Variants in IMMP2L observed in about 807,000 individuals in gnomAD.
IMMP2L encodes mitochondrial inner membrane protease subunit 2.
In IMMP2L, 18 loss-of-function variants were observed where a neutral mutation model predicts 19.3. That is an observed-to-expected ratio of 0.93 (90% CI 0.64 to 1.38). The LOEUF is 1.38. Ranked by LOEUF, IMMP2L falls within the 40% of genes most tolerant of loss-of-function variation. The pLI is 0.00. For synonymous variants in IMMP2L, 76 were observed against 73.0 expected (o/e 1.04, Z -0.21); for missense variants, 233 against 218.2 (o/e 1.07, Z -0.43).
chr7:111,187,737 A>G (rs999951847), intron 3 of IMMP2L, among the ~76,000 whole-genome samples: 4 of 152,134 alleles, frequency 2.6e-5, no homozygotes, highest in Admixed American at 1.3e-4. Flanking sequence ...AACTCAACTA[A>G]TTCTCTAGAC....
At chr7:110,801,507 C>T (rs1284185752) in intron 5 of IMMP2L, among the ~76,000 whole-genome samples, 1 of 152,052 alleles carries the variant, frequency 6.6e-6, no homozygotes, top group Non-Finnish European at 1.5e-5. Flanking sequence ...AAACTATAAA[C>T]AGTGATGCCA....
At chr7:111,066,278 G>A (rs1204336756) in intron 3 of IMMP2L, among the ~76,000 whole-genome samples, 4 of 152,088 alleles carry the variant, frequency 2.6e-5, no homozygotes, top group Non-Finnish European at 4.4e-5. Context: ...ACTGTGCCTG[G>A]CTGCTAGGCT....
chr7:110,857,481 A>T (rs543764138), intron 5 of IMMP2L, among the ~76,000 whole-genome samples: 1 of 152,226 alleles, frequency 6.6e-6, no homozygotes, highest in Non-Finnish European at 1.5e-5. Flanking sequence ...ATATGAAAAA[A>T]GAGAGCCCAA....
intron 1 of IMMP2L, among the ~76,000 whole-genome samples, chr7:111,531,885 C>T (rs1163133833): frequency 1.3e-5 from 2 of 151,958 alleles, no homozygotes; most frequent in African/African-American, 4.8e-5. Flanking sequence ...GGATATATTA[C>T]CAGCATCAGG....
chr7:111,495,588 G>A (rs1843519644), intron 2 of IMMP2L, among the ~76,000 whole-genome samples: 1 of 152,068 alleles, frequency 6.6e-6, no homozygotes, highest in Non-Finnish European at 1.5e-5. Flanking sequence ...CATATGACAG[G>A]TTTGGAAGAA....
chr7:111,468,560 A>T (rs112803707), intron 3 of IMMP2L, among the ~76,000 whole-genome samples: 3 of 152,142 alleles, frequency 2.0e-5, no homozygotes, highest in Non-Finnish European at 4.4e-5. Context: ...AGTTAAAGAT[A>T]GAACAGCAGT....
At chr7:110,876,857 G>A (rs181757686) in intron 5 of IMMP2L, among the ~76,000 whole-genome samples, 1 of 152,152 alleles carries the variant, frequency 6.6e-6, no homozygotes, top group East Asian at 1.9e-4. Flanking sequence ...GTTCCAAAAT[G>A]TAAACGGCTT....
chr7:110,920,052 T>A (rs959456944), intron 4 of IMMP2L, among the ~76,000 whole-genome samples: 1 of 152,180 alleles, frequency 6.6e-6, no homozygotes, highest in African/African-American at 2.4e-5. Context: ...TGGACTTACA[T>A]CAGTGATTTG....
At chr7:111,306,233 T>A (rs1233951579) in intron 3 of IMMP2L, among the ~76,000 whole-genome samples, 1 of 152,204 alleles carries the variant, frequency 6.6e-6, no homozygotes, top group Non-Finnish European at 1.5e-5. Context: ...TAGCAGTGGA[T>A]ACATGTTATT....
intron 5 of IMMP2L, among the ~76,000 whole-genome samples, chr7:110,698,404 C>T (rs10266246): frequency 0.83 from 126,928 of 152,114 alleles, 53,120 homozygotes; most frequent in East Asian, 0.89. Context: ...ACTTAAGTAG[C>T]TGCCCGTGAA....
At chr7:110,883,016 C>T (rs917225410) in intron 5 of IMMP2L, among the ~76,000 whole-genome samples, 11 of 152,038 alleles carry the variant, frequency 7.2e-5, no homozygotes, top group Non-Finnish European at 1.5e-4. Flanking sequence ...TGAAAAGCTT[C>T]GCATGATTTA....
chr7:110,692,066 T>G (rs890672712), intron 5 of IMMP2L, among the ~76,000 whole-genome samples: 1 of 152,230 alleles, frequency 6.6e-6, no homozygotes, highest in East Asian at 1.9e-4. Context: ...TAAATGCTCA[T>G]TCAACACTGA....
chr7:111,432,360 G>T (rs1027352623), intron 3 of IMMP2L, among the ~76,000 whole-genome samples: 8 of 151,756 alleles, frequency 5.3e-5, no homozygotes, highest in Non-Finnish European at 1.0e-4. Flanking sequence ...AGATTAGCTG[G>T]AACACCATGA....
At chr7:111,202,000 GCCCA>G (rs1305717406) in intron 3 of IMMP2L, among the ~76,000 whole-genome samples, 1 of 152,170 alleles carries the variant, frequency 6.6e-6, no homozygotes, top group African/African-American at 2.4e-5. Context: ...TGTTAAAGCA[GCCCA>G]AATAGATATT....
At chr7:110,734,920 TG>T (rs1796516575) in intron 5 of IMMP2L, among the ~76,000 whole-genome samples, 1 of 152,284 alleles carries the variant, frequency 6.6e-6, no homozygotes, top group African/African-American at 2.4e-5. Flanking sequence ...AGTAGAGTGT[TG>T]TGACTAAATT....
At chr7:110,686,644 AGTTCT>A (rs1793134914) in intron 5 of IMMP2L, among the ~76,000 whole-genome samples, 1 of 151,954 alleles carries the variant, frequency 6.6e-6, no homozygotes. Flanking sequence ...CCATAATTAG[AGTTCT>A]GTCTTTGCTT....
intron 3 of IMMP2L, among the ~76,000 whole-genome samples, chr7:111,221,428 CTTGTT>C (rs1369062837): frequency 3.3e-5 from 5 of 151,906 alleles, no homozygotes; most frequent in Non-Finnish European, 5.9e-5. Context: ...TCAAAAGTAG[CTTGTT>C]TTAAGACTAG....
At chr7:111,472,422 T>C (rs1841352304) in intron 3 of IMMP2L, among the ~76,000 whole-genome samples, 1 of 152,164 alleles carries the variant, frequency 6.6e-6, no homozygotes. Flanking sequence ...ATTCAAAATA[T>C]AGCTATAGTA....
intron 3 of IMMP2L, among the ~76,000 whole-genome samples, chr7:111,262,842 C>A (rs926233261): frequency 6.6e-6 from 1 of 151,222 alleles, no homozygotes. Flanking sequence ...CCCTGGATAT[C>A]CTGGACCTCT....
Sources: allele counts gnomAD v4.1 joint callset (sites outside exome capture counted in the v4.1 genomes callset), GRCh38; gene constraint gnomAD v4.1.1; transcripts MANE v1.5; gene names NCBI Gene and HGNC (gene_info 2026-07-23, HGNC 2026-07-21).